Variants in KAZN observed in about 807,000 individuals in gnomAD.
KAZN encodes kazrin, periplakin interacting protein, also known as kazrin.
Under a neutral mutation model 87.4 loss-of-function variants are expected in KAZN, and 40 were observed. The ratio of observed to expected loss-of-function variants is 0.46; its 90% CI spans 0.36 to 0.60. The LOEUF is 0.60. KAZN is among the 20% of genes least tolerant of loss of function. KAZN has a pLI of 0.00. For synonymous variants in KAZN, 466 were observed against 458.3 expected (o/e 1.02, Z -0.22); for missense variants, 898 against 1,073.9 (o/e 0.84, Z 2.29).
At chr1:14,961,222 C>A (rs931709623) in intron 2 of KAZN, among the ~76,000 whole-genome samples, 1 of 152,230 alleles carries the variant, frequency 6.6e-6, no homozygotes, top group Non-Finnish European at 1.5e-5. Context: ...TCGGTGCCTC[C>A]ACTCAGGGCA....
chr1:15,034,922 A>G, intron 3 of KAZN, 37 bp downstream of exon 3: 1 of 1,594,850 alleles, frequency 6.3e-7, no homozygotes, highest in South Asian at 1.1e-5. Flanking sequence ...CCCTCCCGAC[A>G]CACCAGCTCC....
At chr1:13,993,716 A>G (rs1358568916) in intron 1 of KAZN, among the ~76,000 whole-genome samples, 1 of 152,190 alleles carries the variant, frequency 6.6e-6, no homozygotes, top group Non-Finnish European at 1.5e-5. Context: ...AAACATGATA[A>G]TTTCAGGAAG....
intron 2 of KAZN, among the ~76,000 whole-genome samples, chr1:14,426,474 G>A (rs1665731098): frequency 6.6e-6 from 1 of 152,192 alleles, no homozygotes. Flanking sequence ...CTAGAACACT[G>A]CCATGGTACA....
Position 15,066,675 on chromosome 1 carries a change from G to A in KAZN, c.1222+922G>A. ...GAATGTCTATTTTTCCATGGGGTGGGCGGGAGGTGGGTGTCTCTGTTGACT... is the reference window on the plus strand; with the variant it reads ...GAATGTCTATTTTTCCATGGGGTGGACGGGAGGTGGGTGTCTCTGTTGACT... On this transcript the variant is annotated intron_variant, in intron 8 of 14. Coordinates refer to ENST00000376030, the MANE Select transcript of KAZN (RefSeq NM_201628.3). The surrounding 1 kb of genome is among the most constrained non-coding windows in gnomAD (Gnocchi z 4.3). 1.0e-6 allele frequency: 1 copy of A among 985,282 alleles called. No homozygotes were observed. Among genetic ancestry groups the A allele is most frequent in the Non-Finnish European group, 1.2e-6 (1 of 829,890 alleles). The allele number at this position is 985,282 out of a possible 1,614,324, so 61.0% of individuals were successfully genotyped here.
At chr1:14,854,963 A>G (rs1431290742) in intron 1 of KAZN, among the ~76,000 whole-genome samples, 2 of 152,120 alleles carry the variant, frequency 1.3e-5, no homozygotes, top group African/African-American at 2.4e-5. Flanking sequence ...GCAACACTAG[A>G]TGATTTTATG....
intron 2 of KAZN, among the ~76,000 whole-genome samples, chr1:14,293,964 C>CT (rs1261458154): frequency 1.2e-4 from 18 of 152,294 alleles, no homozygotes; most frequent in African/African-American, 4.3e-4. Context: ...AAGTTAACCC[C>CT]ATGCATACTC....
chr1:14,445,813 C>T (rs1272688732), intron 2 of KAZN, among the ~76,000 whole-genome samples: 2 of 152,150 alleles, frequency 1.3e-5, no homozygotes, highest in Non-Finnish European at 2.9e-5. Flanking sequence ...TATTCACCTT[C>T]CATCTCCCAT....
At chr1:14,245,463 A>C (rs921397431) in intron 2 of KAZN, among the ~76,000 whole-genome samples, 2 of 152,116 alleles carry the variant, frequency 1.3e-5, no homozygotes, top group African/African-American at 4.8e-5. Context: ...CCTTGCATGG[A>C]TGTACCATAA....
intron 1 of KAZN, among the ~76,000 whole-genome samples, chr1:14,093,074 CAGAT>C (rs958881510): frequency 6.5e-4 from 99 of 152,260 alleles, no homozygotes; most frequent in African/African-American, 2.4e-3. Context: ...CATGCTGTGC[CAGAT>C]ACACGTCCAC....
intron 2 of KAZN, among the ~76,000 whole-genome samples, chr1:15,005,827 A>G (rs1668950889): frequency 6.6e-6 from 1 of 151,976 alleles, no homozygotes; most frequent in South Asian, 2.1e-4. Flanking sequence ...AAAGGGCATT[A>G]GTGTTGGCAT....
At chr1:14,114,331 TC>T (rs1644564842) in intron 1 of KAZN, among the ~76,000 whole-genome samples, 1 of 152,034 alleles carries the variant, frequency 6.6e-6, no homozygotes, top group Non-Finnish European at 1.5e-5. Flanking sequence ...ACTTTGATGC[TC>T]CCCATGGCTC....
intron 2 of KAZN, among the ~76,000 whole-genome samples, chr1:14,187,288 T>C (rs558947291): frequency 6.6e-6 from 1 of 152,252 alleles, no homozygotes; most frequent in South Asian, 2.1e-4. Context: ...GCTTCAGATA[T>C]AGAATACCTC....
At chr1:14,232,841 A>C (rs1301083820) in intron 2 of KAZN, among the ~76,000 whole-genome samples, 2 of 152,242 alleles carry the variant, frequency 1.3e-5, no homozygotes, top group African/African-American at 2.4e-5. Context: ...AAGATATCTC[A>C]AGATGTCAAT....
intron 2 of KAZN, among the ~76,000 whole-genome samples, chr1:14,446,461 A>G (rs1666989855): frequency 1.3e-5 from 2 of 152,078 alleles, no homozygotes; most frequent in African/African-American, 2.4e-5. Flanking sequence ...CCTCCCTAGG[A>G]TGCTAGTGGG....
chr1:13,897,957 A>G (rs757740382), intron 1 of KAZN, among the ~76,000 whole-genome samples: 1 of 152,184 alleles, frequency 6.6e-6, no homozygotes, highest in Admixed American at 6.5e-5. Context: ...TGCCCCTGCT[A>G]TAGCCCAAAA....
At chr1:14,698,661 C>A (rs1160956661) in intron 1 of KAZN, among the ~76,000 whole-genome samples, 6 of 152,226 alleles carry the variant, frequency 3.9e-5, no homozygotes, top group African/African-American at 1.4e-4. Flanking sequence ...TGTCTCCTGG[C>A]AGAATCCTTT....
Position 13,959,968 on chromosome 1 carries a change from C to T in KAZN, c.91+66212C>T, listed in dbSNP as rs191860093. On this transcript the variant is annotated intron_variant, in intron 1 of 16. Transcript: ENST00000636203. ...GGAAGGAGGCAATGATGAATAGAAA[C>T]GGATACAGACTATTCCTTCTATTTT... Among the ~76,000 whole-genome samples the T allele has an allele frequency of 1.2e-3, 178 of 152,152 alleles. 1 individual carries two copies. Among genetic ancestry groups the T allele is most frequent in the African/African-American group, 4.2e-3 (176 of 41,508 alleles).
At chr1:14,011,833 G>A (rs6429820) in intron 1 of KAZN, among the ~76,000 whole-genome samples, 119,376 of 152,152 alleles carry the variant, frequency 0.78, 47,215 homozygotes, top group Admixed American at 0.85. Context: ...ATGTATCAGC[G>A]TTTCCCAGCA....
chr1:14,236,748 T>C (rs910806293), intron 2 of KAZN, among the ~76,000 whole-genome samples: 1 of 151,920 alleles, frequency 6.6e-6, no homozygotes, highest in African/African-American at 2.4e-5. Context: ...AAAAACCTGG[T>C]CTCTATTAAA....
Sources: gnomAD v4.1 joint callset for allele counts (sites outside exome capture counted in the v4.1 genomes callset) on GRCh38, gnomAD v4.1.1 for gene constraint, Gnocchi (gnomAD v3.1) non-coding constraint, MANE v1.5 for transcripts, NCBI Gene and HGNC (gene_info 2026-07-23, HGNC 2026-07-21) for gene names.